Variants in GABRG3 observed in about 807,000 individuals in gnomAD.
GABRG3 encodes the protein gamma-aminobutyric acid receptor subunit gamma-3.
In GABRG3, 25 loss-of-function variants were observed where a neutral mutation model predicts 48.8. The observed-to-expected ratio is 0.51, with a 90% confidence interval of 0.37 to 0.72. The LOEUF (loss-of-function observed/expected upper bound fraction) is 0.72. GABRG3 is among the 30% of genes least tolerant of loss of function. The pLI, the probability that GABRG3 is intolerant of heterozygous loss-of-function variation, is 0.00. For missense variants in GABRG3, 394 were observed against 577.9 expected, an observed-to-expected ratio of 0.68 and a Z score of 3.26; for synonymous variants, 227 against 217.6, an observed-to-expected ratio of 1.04 and a Z score of -0.38.
At chr15:27,264,480 C>G (rs1890858880) in intron 3 of GABRG3, among the ~76,000 whole-genome samples, 1 of 152,070 alleles carries the variant, frequency 6.6e-6, no homozygotes, top group Non-Finnish European at 1.5e-5. Flanking sequence ...TTCCTCAAAA[C>G]CTATAGTCTA....
chr15:27,251,805 A>G (rs1040533128), intron 3 of GABRG3, among the ~76,000 whole-genome samples: 4 of 152,170 alleles, frequency 2.6e-5, no homozygotes, highest in African/African-American at 4.8e-5. Context: ...TTCAGATGGA[A>G]AACAAAGCCA....
chr15:27,043,803 C>A (rs952040244), intron 3 of GABRG3, among the ~76,000 whole-genome samples: 5 of 152,344 alleles, frequency 3.3e-5, no homozygotes, highest in African/African-American at 4.8e-5. Context: ...GGAATTTGGG[C>A]AGAGCTTAGC....
At chr15:27,478,410 G>C (rs1056163715) in intron 5 of GABRG3, among the ~76,000 whole-genome samples, 3 of 152,134 alleles carry the variant, frequency 2.0e-5, no homozygotes, top group African/African-American at 7.2e-5. Flanking sequence ...AATATGCTCA[G>C]TATTATCAGT....
At chr15:27,033,789 G>T (rs1896129120) in intron 3 of GABRG3, among the ~76,000 whole-genome samples, 1 of 152,098 alleles carries the variant, frequency 6.6e-6, no homozygotes. Context: ...TGCTGTCGTA[G>T]ATTTTTTTGT....
At chr15:27,332,230 A>C (rs1226130488) in intron 5 of GABRG3, among the ~76,000 whole-genome samples, 1 of 152,198 alleles carries the variant, frequency 6.6e-6, no homozygotes, top group Non-Finnish European at 1.5e-5. Flanking sequence ...CTGAAAGTGA[A>C]GTGGGCTGGG....
intron 5 of GABRG3, among the ~76,000 whole-genome samples, chr15:27,446,386 C>T (rs748347998): frequency 9.2e-5 from 14 of 152,168 alleles, no homozygotes; most frequent in African/African-American, 3.1e-4. Context: ...AACACCAGAC[C>T]GACCCCTGAA....
At chr15:27,004,640 C>T (rs1257407040) in intron 2 of GABRG3, among the ~76,000 whole-genome samples, 1 of 152,210 alleles carries the variant, frequency 6.6e-6, no homozygotes, top group African/African-American at 2.4e-5. Context: ...CACGCCACTG[C>T]ACTCCAGCCT....
chr15:27,364,698 G>A (rs1256789017), intron 5 of GABRG3: 1 of 152,146 alleles, frequency 6.6e-6, no homozygotes, highest in African/African-American at 2.4e-5. Context: ...TCCTGGAGTA[G>A]GGTTGGTTTG....
At chr15:27,296,859 T>G (rs1892004476) in intron 3 of GABRG3, among the ~76,000 whole-genome samples, 1 of 152,106 alleles carries the variant, frequency 6.6e-6, no homozygotes, top group Non-Finnish European at 1.5e-5. Flanking sequence ...TTTTTTTTTT[T>G]TTTAATTTCA....
chr15:27,366,280 C>T (rs1895196496), intron 5 of GABRG3: 1 of 152,190 alleles, frequency 6.6e-6, no homozygotes, highest in Admixed American at 6.5e-5. Flanking sequence ...GCCAGCTGGG[C>T]TCCAGACTTC....
At position 27,402,883 on chromosome 15, in the gene GABRG3, CT is replaced by C. The variant is rs200298687; in HGVS notation, c.574+74003del. Among the ~76,000 whole-genome samples, 1,346 of 152,076 alleles carry C rather than the reference CT, an allele frequency of 8.9e-3. 15 individuals are homozygous for C. The highest frequency in any genetic ancestry group is 0.03 in the African/African-American group (1,262 of 41,458). ...GGACGCCCACATCTGGCCACTTGCT[CT>C]TTTTTTTCTATCCCCCTGCCTATAC... On this transcript the variant is annotated intron_variant, in intron 5 of 9. Transcript: ENST00000615808.
chr15:27,379,706 A>AT (rs566184407), intron 5 of GABRG3, among the ~76,000 whole-genome samples: 3 of 151,934 alleles, frequency 2.0e-5, no homozygotes, highest in Non-Finnish European at 4.4e-5. Context: ...AGATGGGTGG[A>AT]TTTTTTCTTT....
At chr15:27,120,326 C>A (rs1235544897) in intron 3 of GABRG3, among the ~76,000 whole-genome samples, 3 of 152,204 alleles carry the variant, frequency 2.0e-5, no homozygotes, top group African/African-American at 7.2e-5. Context: ...TATTGTCTTG[C>A]ATGCATAGGT....
intron 3 of GABRG3, among the ~76,000 whole-genome samples, chr15:27,077,704 T>C (rs959227489): frequency 3.9e-5 from 6 of 152,198 alleles, no homozygotes; most frequent in African/African-American, 1.2e-4. Context: ...GCAAGTGATT[T>C]GCCAGGTTTT....
intron 3 of GABRG3, among the ~76,000 whole-genome samples, chr15:27,087,898 G>A (rs1897107129): frequency 6.6e-6 from 1 of 150,864 alleles, no homozygotes; most frequent in African/African-American, 2.4e-5. Context: ...GTGTGTGTGT[G>A]CATGTGTGAG....
chr15:27,257,306 A>G (rs1253738927), intron 3 of GABRG3, among the ~76,000 whole-genome samples: 1 of 152,036 alleles, frequency 6.6e-6, no homozygotes, highest in Non-Finnish European at 1.5e-5. Context: ...TTAATCCCTT[A>G]TCGAATGTAC....
intron 5 of GABRG3, among the ~76,000 whole-genome samples, chr15:27,437,680 G>T (rs1888660590): frequency 6.6e-6 from 1 of 152,228 alleles, no homozygotes; most frequent in South Asian, 2.1e-4. Flanking sequence ...CAGGATCTGG[G>T]CCTATGTAGG....
chr15:27,371,188 C>T (rs1247968250), intron 5 of GABRG3, among the ~76,000 whole-genome samples: 2 of 152,174 alleles, frequency 1.3e-5, no homozygotes, highest in Non-Finnish European at 2.9e-5. Flanking sequence ...TTAGACCACA[C>T]TCTCTGAACA....
At chr15:27,003,940 G>C (rs1319597207) in intron 2 of GABRG3, among the ~76,000 whole-genome samples, 3 of 147,566 alleles carry the variant, frequency 2.0e-5, no homozygotes, top group African/African-American at 7.6e-5. Context: ...GGGCAGAGGC[G>C]CCCCTCACCT....
Sources: allele counts gnomAD v4.1 joint callset (sites outside exome capture counted in the v4.1 genomes callset), GRCh38; gene constraint gnomAD v4.1.1; transcripts MANE v1.5; gene names NCBI Gene and HGNC (gene_info 2026-07-23, HGNC 2026-07-21).